DOK5: variants seen among roughly 807,000 people sequenced by gnomAD.
DOK5 encodes the protein docking protein 5.
In DOK5, 27 loss-of-function variants were observed where a neutral mutation model predicts 43.3. That is an observed-to-expected ratio of 0.62 (90% CI 0.46 to 0.86). The LOEUF is 0.86. Among genes scored for constraint, DOK5 ranks in the 40% least tolerant of loss-of-function variants. DOK5 has a pLI of 0.00. For missense variants in DOK5, 373 were observed against 392.9 expected, an observed-to-expected ratio of 0.95 and a Z score of 0.43; for synonymous variants, 146 against 140.1, an observed-to-expected ratio of 1.04 and a Z score of -0.30.
chr20:54,487,423 C>T (rs1981980887), intron 1 of DOK5, among the ~76,000 whole-genome samples: 1 of 151,990 alleles, frequency 6.6e-6, no homozygotes, highest in East Asian at 1.9e-4. Flanking sequence ...ATGTGTGCTT[C>T]CTCTTTAAAT....
At chr20:54,622,222 TAAA>T (rs888964554) in intron 6 of DOK5, among the ~76,000 whole-genome samples, 1 of 150,914 alleles carries the variant, frequency 6.6e-6, no homozygotes, top group African/African-American at 2.4e-5. Context: ...AAAAATAAAA[TAAA>T]AAAAAGAGCT....
intron 1 of DOK5, among the ~76,000 whole-genome samples, chr20:54,537,400 T>G (rs1983994587): frequency 6.6e-6 from 1 of 152,164 alleles, no homozygotes; most frequent in Non-Finnish European, 1.5e-5. Flanking sequence ...TAGAATTATC[T>G]GACAAAGATA....
chr20:54,488,886 G>C (rs1982053397), intron 1 of DOK5, among the ~76,000 whole-genome samples: 1 of 150,520 alleles, frequency 6.6e-6, no homozygotes, highest in Non-Finnish European at 1.5e-5. Context: ...ATTTACATCT[G>C]ACAGTAAGTT....
chr20:54,510,820 T>C (rs1982988588), intron 1 of DOK5, among the ~76,000 whole-genome samples: 1 of 152,142 alleles, frequency 6.6e-6, no homozygotes. Context: ...ATTTGTCCAC[T>C]TGATTTCACT....
intron 7 of DOK5, among the ~76,000 whole-genome samples, chr20:54,645,104 A>G (rs1421403801): frequency 4.1e-5 from 6 of 147,852 alleles, no homozygotes; most frequent in African/African-American, 7.5e-5. Flanking sequence ...GCGCAAAAAA[A>G]CTCTTTAATG....
intron 2 of DOK5, among the ~76,000 whole-genome samples, chr20:54,577,677 T>C (rs999911092): frequency 6.6e-6 from 1 of 152,242 alleles, no homozygotes; most frequent in African/African-American, 2.4e-5. Flanking sequence ...CAGCAACACA[T>C]CTTTATCTCT....
intron 6 of DOK5, among the ~76,000 whole-genome samples, chr20:54,625,323 C>A (rs945064111): frequency 6.6e-6 from 1 of 152,174 alleles, no homozygotes; most frequent in Non-Finnish European, 1.5e-5. Context: ...GGTCCAAGGG[C>A]CTCATAGAGG....
At chr20:54,600,700 GTGAT>G (rs998014539) in intron 5 of DOK5, among the ~76,000 whole-genome samples, 1 of 152,136 alleles carries the variant, frequency 6.6e-6, no homozygotes. Flanking sequence ...GTATGTACGT[GTGAT>G]TGATTGATTG....
At chr20:54,597,472 GC>G (rs1190268729) in intron 5 of DOK5, among the ~76,000 whole-genome samples, 1 of 152,144 alleles carries the variant, frequency 6.6e-6, no homozygotes, top group African/African-American at 2.4e-5. Flanking sequence ...CATTTACTGA[GC>G]CCTTACTATA....
intron 1 of DOK5, among the ~76,000 whole-genome samples, chr20:54,514,214 T>A (rs574662990): frequency 1.3e-3 from 201 of 152,224 alleles, no homozygotes; most frequent in Middle Eastern, 3.2e-3. Context: ...ATCTTCTGGT[T>A]TGACAGATGC....
At chr20:54,524,465 A>G (rs1258151808) in intron 1 of DOK5, among the ~76,000 whole-genome samples, 3 of 152,202 alleles carry the variant, frequency 2.0e-5, no homozygotes. Context: ...CTCTCGAATT[A>G]TCTGATTTTA....
At chr20:54,616,558 A>G (rs1306073926) in intron 6 of DOK5, among the ~76,000 whole-genome samples, 1 of 152,112 alleles carries the variant, frequency 6.6e-6, no homozygotes, top group Non-Finnish European at 1.5e-5. Context: ...CTATATTACT[A>G]TATAAATTAA....
At chr20:54,573,515 A>G (rs1487948524) in intron 2 of DOK5, among the ~76,000 whole-genome samples, 1 of 151,912 alleles carries the variant, frequency 6.6e-6, no homozygotes, top group Non-Finnish European at 1.5e-5. Flanking sequence ...GTGAAACCCC[A>G]TCTCTACTAA....
intron 2 of DOK5, among the ~76,000 whole-genome samples, chr20:54,581,529 C>T (rs1985640388): frequency 6.6e-6 from 1 of 151,662 alleles, no homozygotes; most frequent in African/African-American, 2.4e-5. Context: ...AACAGGATGC[C>T]TTTCAATTTA....
At chr20:54,540,493 A>G (rs1434362457) in intron 1 of DOK5, among the ~76,000 whole-genome samples, 1 of 152,124 alleles carries the variant, frequency 6.6e-6, no homozygotes, top group East Asian at 1.9e-4. Flanking sequence ...TGTTTGCTAT[A>G]TACCAAGCAA....
intron 1 of DOK5, among the ~76,000 whole-genome samples, chr20:54,498,934 G>A (rs896617231): frequency 6.6e-6 from 1 of 152,170 alleles, no homozygotes; most frequent in Non-Finnish European, 1.5e-5. Flanking sequence ...ATATGCATCA[G>A]CATTCTGAGT....
chr20:54,636,674 G>A (rs529567740), intron 6 of DOK5, among the ~76,000 whole-genome samples: 8 of 152,094 alleles, frequency 5.3e-5, no homozygotes, highest in South Asian at 2.1e-4. Context: ...CTGAGCCTTC[G>A]GTGAGATTGA....
At chr20:54,588,661 GTTTAA>G (rs757362243) in intron 3 of DOK5, 21 bp from the exon 4 acceptor site, 1 of 1,614,116 alleles carries the variant, frequency 6.2e-7, no homozygotes, top group Non-Finnish European at 8.5e-7. Context: ...TGGGCACACA[GTTTAA>G]TCTTTTTGAC....
At chr20:54,587,457 G>T (rs190978623) in intron 2 of DOK5, among the ~76,000 whole-genome samples, 1 of 152,288 alleles carries the variant, frequency 6.6e-6, no homozygotes, top group Admixed American at 6.5e-5. Flanking sequence ...GGCAAAGATT[G>T]ATGGAAAGTG....
Sources: allele counts gnomAD v4.1 joint callset (sites outside exome capture counted in the v4.1 genomes callset), GRCh38; gene constraint gnomAD v4.1.1; transcripts MANE v1.5; gene names NCBI Gene and HGNC (gene_info 2026-07-23, HGNC 2026-07-21).